The following ADGRF5 variants were observed in gnomAD, a reference collection of about 807,000 sequenced individuals.
ADGRF5 encodes G-protein coupled receptor 116.
In ADGRF5, 75 loss-of-function variants were observed where a neutral mutation model predicts 132.3. That is an observed-to-expected ratio of 0.57 (90% CI 0.47 to 0.69). The LOEUF is 0.69. Ranked by LOEUF, ADGRF5 falls within the 30% of genes least tolerant of loss-of-function variation. The probability of loss-of-function intolerance (pLI) is 0.00; values close to 1 mark genes in which losing one functional copy is unlikely to be tolerated. For missense variants in ADGRF5, 1,516 were observed against 1,630.6 expected (o/e 0.93, Z 1.21); for synonymous variants, 629 against 597.6 (o/e 1.05, Z -0.77).
At chr6:46,880,357 A>AT (rs554558293) in intron 8 of ADGRF5, among the ~76,000 whole-genome samples, 66 of 46,518 alleles carry the variant, frequency 1.4e-3, no homozygotes, top group African/African-American at 3.6e-3. Context: ...ACATTTTTTT[A>AT]TAAAAAAAAA....
chr6:46,893,486 T>A (rs1478024750), intron 3 of ADGRF5, among the ~76,000 whole-genome samples: 1 of 151,984 alleles, frequency 6.6e-6, no homozygotes, highest in Non-Finnish European at 1.5e-5. Context: ...CCTCATTCCC[T>A]CAGAAGGCCC....
chr6:46,899,931 G>T, intron 3 of ADGRF5, 98 bp downstream of exon 3: 1 of 846,038 alleles, frequency 1.2e-6, no homozygotes, highest in Admixed American at 1.8e-5. Flanking sequence ...TGATGTGATT[G>T]GAGGCTGAAT....
At chr6:46,869,466 G>A (rs778743045) in intron 11 of ADGRF5, 4 of 747,140 alleles carry the variant, frequency 5.4e-6, no homozygotes, top group Non-Finnish European at 6.5e-6. Context: ...AGAACAAATG[G>A]CCGGGTTCCT....
intron 1 of ADGRF5, among the ~76,000 whole-genome samples, chr6:46,946,969 C>T (rs1778323951): frequency 6.6e-6 from 1 of 152,192 alleles, no homozygotes; most frequent in African/African-American, 2.4e-5. Flanking sequence ...CTAATCTTTA[C>T]TGGCCTTAGA....
At position 46,899,414 on chromosome 6, in the gene ADGRF5, G is replaced by A. The variant is rs375159983; in HGVS notation, c.157+615C>T. On this transcript the variant is annotated intron_variant, in intron 3 of 20. Transcript: ENST00000283296. ...TGGGAGTGGGAGCACCAGGTCCTGG[G>A]AATACCCAGCCTGCGGCCCTGACCT... Among the ~76,000 whole-genome samples the A allele has an allele frequency of 1.1e-4, 16 of 152,236 alleles. No homozygotes were observed. The South Asian group carries it at 2.7e-3, about 26-fold the overall frequency.
At chr6:46,875,212 A>T (rs1034730441) in intron 10 of ADGRF5, among the ~76,000 whole-genome samples, 23 of 152,176 alleles carry the variant, frequency 1.5e-4, no homozygotes, top group African/African-American at 5.3e-4. Flanking sequence ...TAAACTCAGA[A>T]AACACAAGCA....
Position 46,869,077 on chromosome 6 carries a change from G to A in ADGRF5, c.1427C>T (p.Thr476Ile). The change falls in exon 12 of 21, where the codon ACC becomes ATC. Residue 476 changes from threonine to isoleucine, a missense_variant. Thr to Ile is a moderately conservative substitution (Grantham distance 89). This residue lies in a region of ADGRF5 where 945 missense variants were observed against 929.4 expected (regional missense o/e 1.02). Transcript: ENST00000283296. The part of the protein sequence containing the change: ...TFISVANLTI[T>I]PDPISVSEGQ... ...CTCAGAAACAGAAATTGGGTCCGGG[G>A]TTATTGTTAGATTGGCTGAAAAAAA... The A allele has an allele frequency of 3.7e-6, 6 of 1,613,750 alleles. No homozygotes were observed. The highest frequency in any genetic ancestry group is 5.1e-6 in the Non-Finnish European group (6 of 1,179,786).
At chr6:46,894,345 A>G (rs1773958453) in intron 3 of ADGRF5, among the ~76,000 whole-genome samples, 2 of 152,236 alleles carry the variant, frequency 1.3e-5, no homozygotes, top group Admixed American at 1.3e-4. Context: ...GAAGAAAATC[A>G]TCAGAACCCA....
At chr6:46,917,844 C>T (rs1394777395) in intron 1 of ADGRF5, among the ~76,000 whole-genome samples, 1 of 152,154 alleles carries the variant, frequency 6.6e-6, no homozygotes, top group East Asian at 1.9e-4. Context: ...ACATGTATAC[C>T]TATGTAACAA....
intron 10 of ADGRF5, among the ~76,000 whole-genome samples, chr6:46,876,868 G>T (rs751046011): frequency 4.0e-5 from 6 of 151,546 alleles, no homozygotes; most frequent in Non-Finnish European, 8.8e-5. Context: ...GCCTCTGAAA[G>T]TGCTGGGATT....
chr6:46,944,386 C>G (rs182713647), intron 1 of ADGRF5, among the ~76,000 whole-genome samples: 194 of 152,322 alleles, frequency 1.3e-3, no homozygotes, highest in African/African-American at 4.3e-3. Context: ...TGGTTCCTAA[C>G]AGGACACTGA....
upstream of ADGRF5, among the ~76,000 whole-genome samples, chr6:46,923,051 C>T (rs973859524): frequency 6.6e-6 from 1 of 152,168 alleles, no homozygotes; most frequent in African/African-American, 2.4e-5. Flanking sequence ...CTCAGCTTTC[C>T]CAGTAGCTGG....
chr6:46,929,383 C>T (rs1325256558), intron 1 of ADGRF5, among the ~76,000 whole-genome samples: 1 of 151,758 alleles, frequency 6.6e-6, no homozygotes. Flanking sequence ...AGGAGATATA[C>T]CTAATGCTAA....
chr6:46,894,400 C>A (rs979092129), intron 3 of ADGRF5, among the ~76,000 whole-genome samples: 2 of 141,414 alleles, frequency 1.4e-5, no homozygotes, highest in African/African-American at 5.3e-5. Flanking sequence ...AGAAAGTGGG[C>A]AGCACTGTGT....
At chr6:46,883,514 T>C (rs777202186) in intron 6 of ADGRF5, 45 bp downstream of exon 6, 1 of 942,156 alleles carries the variant, frequency 1.1e-6, no homozygotes, top group South Asian at 1.4e-5. Flanking sequence ...CTCAGTTCAG[T>C]CCAAACAGTT....
intron 17 of ADGRF5, 142 bp from the exon 18 acceptor site, chr6:46,857,050 C>A: frequency 1.5e-6 from 1 of 679,454 alleles, no homozygotes; most frequent in African/African-American, 1.8e-5. Flanking sequence ...GTACATGATA[C>A]TGTTCAAAGA....
intron 2 of ADGRF5, among the ~76,000 whole-genome samples, chr6:46,903,925 T>C (rs1775034304): frequency 6.6e-6 from 1 of 152,190 alleles, no homozygotes. Context: ...GAAGGAGATA[T>C]GATTTATTCT....
At position 46,878,343 on chromosome 6, in the gene ADGRF5, C is replaced by T. The variant is rs760199795; in HGVS notation, c.1099G>A (p.Val367Ile). Residue 367 changes from valine to isoleucine, a missense_variant, in exon 10 of 21, where the codon GTT (valine) becomes ATT (isoleucine). Val to Ile is a conservative substitution (Grantham distance 29, BLOSUM62 3). Coordinates refer to ENST00000283296, the MANE Select transcript of ADGRF5 (RefSeq NM_001098518.2). ...TTTGCCAAAATTTGGATGGGCATAACATCTATTTTCTTCTTGCACTCATAT... is the reference window on the plus strand; with the variant it reads ...TTTGCCAAAATTTGGATGGGCATAATATCTATTTTCTTCTTGCACTCATAT... ...FEYECKKKIDVMPIQILANEE... is the reference protein window; with the variant it reads ...FEYECKKKIDIMPIQILANEE... 1.4e-5 allele frequency: 23 copies of T among 1,612,800 alleles called. No individual in the cohort carries two copies. Among genetic ancestry groups the T allele is most frequent in the Middle Eastern group, 1.6e-4 (1 of 6,084 alleles).
chr6:46,881,674 G>T, intron 7 of ADGRF5, 77 bp from the exon 8 acceptor site: 1 of 1,337,982 alleles, frequency 7.5e-7, no homozygotes, highest in African/African-American at 1.5e-5. Context: ...TATTTGCTTA[G>T]GAAACAAAAT....
Sources: allele counts gnomAD v4.1 joint callset (sites outside exome capture counted in the v4.1 genomes callset), GRCh38; gene constraint gnomAD v4.1.1; regional missense constraint gnomAD v4.1.1; transcripts MANE v1.5; gene names NCBI Gene and HGNC (gene_info 2026-07-23, HGNC 2026-07-21).